Variants in SLC39A11 observed in about 807,000 individuals in gnomAD.
The protein encoded by SLC39A11 is solute carrier family 39 member 11.
In SLC39A11, 33 loss-of-function variants were observed where a neutral mutation model predicts 36.1. The observed-to-expected ratio is 0.91, with a 90% confidence interval of 0.69 to 1.22. The LOEUF is 1.22. Among genes scored for constraint, SLC39A11 ranks in the 50% most tolerant of loss-of-function variants. The pLI is 0.00. For missense variants in SLC39A11, 432 were observed against 430.3 expected, an observed-to-expected ratio of 1.00 and a Z score of -0.03; for synonymous variants, 166 against 170.3, an observed-to-expected ratio of 0.97 and a Z score of 0.20.
intron 6 of SLC39A11, among the ~76,000 whole-genome samples, chr17:72,748,581 C>T (rs780742979): frequency 2.6e-5 from 4 of 152,186 alleles, no homozygotes; most frequent in Non-Finnish European, 4.4e-5. Context: ...TGCGAAGACA[C>T]AGGCAGCGCC....
chr17:72,784,719 T>C (rs1055143590), intron 6 of SLC39A11, among the ~76,000 whole-genome samples: 7 of 152,028 alleles, frequency 4.6e-5, no homozygotes, highest in African/African-American at 1.7e-4. Flanking sequence ...GCTTTTGCCA[T>C]GTGATATGCC....
At chr17:72,651,945 C>T (rs2069872501) in intron 7 of SLC39A11, among the ~76,000 whole-genome samples, 1 of 152,202 alleles carries the variant, frequency 6.6e-6, no homozygotes, top group Non-Finnish European at 1.5e-5. Context: ...TTTGTGCTCT[C>T]CTTTGACTCC....
intron 6 of SLC39A11, among the ~76,000 whole-genome samples, chr17:72,768,365 G>A (rs2075823608): frequency 6.6e-6 from 1 of 152,196 alleles, no homozygotes; most frequent in South Asian, 2.1e-4. Context: ...AGTAGTTAAG[G>A]AAAAGGCAAG....
At chr17:72,706,250 C>T (rs762966422) in intron 7 of SLC39A11, among the ~76,000 whole-genome samples, 6 of 152,138 alleles carry the variant, frequency 3.9e-5, no homozygotes, top group Middle Eastern at 3.2e-3. Flanking sequence ...TGAGTCTCTG[C>T]GGTTTGTCTG....
intron 5 of SLC39A11, among the ~76,000 whole-genome samples, chr17:72,945,836 A>G (rs927937263): frequency 6.6e-6 from 1 of 152,198 alleles, no homozygotes; most frequent in Non-Finnish European, 1.5e-5. Flanking sequence ...CTGTGACTCC[A>G]TTGGAAAATG....
intron 4 of SLC39A11, among the ~76,000 whole-genome samples, chr17:72,977,636 G>A (rs1388526103): frequency 6.6e-6 from 1 of 152,128 alleles, no homozygotes; most frequent in African/African-American, 2.4e-5. Context: ...AAAGAGCAAA[G>A]AGCAGAGAGA....
chr17:73,039,113 G>T (rs1430290852), intron 3 of SLC39A11, among the ~76,000 whole-genome samples: 1 of 152,132 alleles, frequency 6.6e-6, no homozygotes, highest in Admixed American at 6.6e-5. Context: ...CTCTTCTGCA[G>T]CTCAGTTTTG....
rs571191303 is a variant in SLC39A11 at position 72,747,024 on chromosome 17, G to A, written c.602-10305C>T. 2.0e-5 allele frequency among the ~76,000 whole-genome samples: 3 copies of A among 152,304 alleles called. No individual in the cohort carries two copies. In the East Asian group the frequency reaches 5.8e-4, roughly 29 times the overall value. ...ATCGCACCACTGCACTTCAGCCTGG[G>A]TGACAGAGCGAGACTCTGGCTCTAA... On this transcript the variant is annotated intron_variant, in intron 6 of 9. Coordinates refer to ENST00000255559, the MANE Select transcript of SLC39A11 (RefSeq NM_139177.4).
At chr17:73,005,390 G>A (rs9913553) in intron 4 of SLC39A11, among the ~76,000 whole-genome samples, 127,716 of 152,160 alleles carry the variant, frequency 0.84, 54,019 homozygotes, top group South Asian at 0.93. Context: ...GAACTGACAC[G>A]TATCAAATAC....
chr17:73,066,258 G>A (rs925246021), intron 3 of SLC39A11, among the ~76,000 whole-genome samples: 1 of 152,172 alleles, frequency 6.6e-6, no homozygotes, highest in African/African-American at 2.4e-5. Flanking sequence ...CCAGACCTGA[G>A]TGAGGCCCTT....
At chr17:72,721,002 C>T (rs1394590390) in intron 7 of SLC39A11, among the ~76,000 whole-genome samples, 3 of 151,984 alleles carry the variant, frequency 2.0e-5, no homozygotes, top group Non-Finnish European at 4.4e-5. Context: ...CTGGCCAGGT[C>T]GCCTCATAGC....
chr17:72,849,309 G>A (rs1009262253), intron 6 of SLC39A11, among the ~76,000 whole-genome samples: 1 of 152,112 alleles, frequency 6.6e-6, no homozygotes, highest in African/African-American at 2.4e-5. Context: ...CAGAACCAGA[G>A]ATACCCAGTA....
At chr17:72,857,464 G>A (rs915868622) in intron 5 of SLC39A11, among the ~76,000 whole-genome samples, 1 of 152,156 alleles carries the variant, frequency 6.6e-6, no homozygotes, top group African/African-American at 2.4e-5. Flanking sequence ...GTGTCTTTAT[G>A]GTGGAATGCT....
intron 6 of SLC39A11, among the ~76,000 whole-genome samples, chr17:72,805,105 A>G (rs955335283): frequency 5.3e-5 from 8 of 152,180 alleles, no homozygotes; most frequent in Admixed American, 2.0e-4. Context: ...GTAAGGATAA[A>G]TAAATACCAG....
intron 6 of SLC39A11, among the ~76,000 whole-genome samples, chr17:72,809,035 A>T (rs2077351295): frequency 6.6e-6 from 1 of 152,198 alleles, no homozygotes; most frequent in African/African-American, 2.4e-5. Context: ...GATTGGATTT[A>T]TCTGTGCTGT....
intron 7 of SLC39A11, among the ~76,000 whole-genome samples, chr17:72,695,211 C>T (rs2072237100): frequency 6.6e-6 from 1 of 152,222 alleles, no homozygotes; most frequent in African/African-American, 2.4e-5. Flanking sequence ...AGTGTCTCCT[C>T]CTCAAACAGA....
intron 4 of SLC39A11, among the ~76,000 whole-genome samples, chr17:72,953,886 G>A (rs1179771532): frequency 1.3e-5 from 2 of 152,212 alleles, no homozygotes; most frequent in Admixed American, 6.5e-5. Context: ...GCGTCTGGGA[G>A]GCAAACCTGA....
At chr17:72,975,755 T>C (rs917738640) in intron 4 of SLC39A11, among the ~76,000 whole-genome samples, 2 of 152,232 alleles carry the variant, frequency 1.3e-5, no homozygotes, top group Admixed American at 6.5e-5. Context: ...TGAAGTACAA[T>C]AGACCATTAT....
chr17:72,750,182 C>T (rs1568028464), intron 6 of SLC39A11, among the ~76,000 whole-genome samples: 1 of 152,206 alleles, frequency 6.6e-6, no homozygotes, highest in Non-Finnish European at 1.5e-5. Flanking sequence ...AAGAGGGTCT[C>T]ACATCCCCAG....
Sources: gnomAD v4.1 joint callset for allele counts (sites outside exome capture counted in the v4.1 genomes callset) on GRCh38, gnomAD v4.1.1 for gene constraint, MANE v1.5 for transcripts, NCBI Gene and HGNC (gene_info 2026-07-23, HGNC 2026-07-21) for gene names.